ITSN1: variants seen among roughly 807,000 people sequenced by gnomAD.
ITSN1 encodes intersectin 1, also known as intersectin-1.
A neutral mutation model predicts 239.8 loss-of-function variants in ITSN1; 58 were observed. That is an observed-to-expected ratio of 0.24 (90% CI 0.20 to 0.30). The LOEUF is 0.30. ITSN1 is among the 10% of genes least tolerant of loss of function. The probability of loss-of-function intolerance (pLI) is 1.00; values close to 1 mark genes in which losing one functional copy is unlikely to be tolerated. For synonymous variants in ITSN1, 780 were observed against 770.8 expected (o/e 1.01, Z -0.20); for missense variants, 1,558 against 2,103.3 (o/e 0.74, Z 5.07).
At chr21:33,705,015 G>A (rs537947905) in intron 1 of ITSN1, among the ~76,000 whole-genome samples, 2 of 151,020 alleles carry the variant, frequency 1.3e-5, no homozygotes, top group Non-Finnish European at 2.9e-5. Flanking sequence ...GGAGGCTGAG[G>A]CCGGAGAATG....
chr21:33,852,448 A>G (rs1048627768), intron 29 of ITSN1, among the ~76,000 whole-genome samples: 12 of 152,194 alleles, frequency 7.9e-5, no homozygotes, highest in Non-Finnish European at 1.5e-4. Flanking sequence ...TTTATGTATT[A>G]CTTTTGTAAT....
intron 29 of ITSN1, chr21:33,836,868 T>C (rs2074631091): frequency 3.6e-6 from 3 of 835,986 alleles, no homozygotes; most frequent in Non-Finnish European, 5.8e-6. Context: ...CCCTCCTTTT[T>C]CCTTTTTTTT....
intron 11 of ITSN1, 132 bp from the exon 12 acceptor site, chr21:33,771,929 A>G: frequency 1.1e-6 from 1 of 950,642 alleles, no homozygotes; most frequent in Non-Finnish European, 1.6e-6. Context: ...CTCATTAACA[A>G]GGACACAGAA....
Position 33,886,480 on chromosome 21 carries a change from G to A in ITSN1, c.5017+20G>A, listed in dbSNP as rs200577300. 2.6e-6 allele frequency: 4 copies of A among 1,523,060 alleles called. No individual in the cohort carries two copies. The East Asian group carries it at 7.2e-5, about 27-fold the overall frequency. 94.3% of individuals were successfully genotyped at this position (1,523,060 alleles called of 1,614,324 possible). ...CAGATGGTGAGTGGAACGCGGCCCT[G>A]TGGTTATTCCTCCTTCCCTGGCACT... On this transcript the variant is annotated intron_variant, in intron 39 of 39. Coordinates refer to ENST00000381318, the MANE Select transcript of ITSN1 (RefSeq NM_003024.3).
At position 33,890,966 on chromosome 21, in the gene ITSN1, T is replaced by C. The variant is rs1986323712; in HGVS notation, c.*2666T>C. On this transcript the variant is annotated 3_prime_UTR_variant, in exon 40 of 40. Transcript: ENST00000381318. ...AGGGGCTGTGCTGGTCATAGGGTTA[T>C]GCTGTAACCCTCAGTCTTCCCTGAG... The C allele has an allele frequency of 6.6e-6, 1 of 152,446 alleles. No individual in the cohort carries two copies. Among genetic ancestry groups the C allele is most frequent in the Non-Finnish European group, 1.5e-5 (1 of 68,162 alleles). 9.4% of individuals were successfully genotyped at this position (152,446 alleles called of 1,614,324 possible). A position where few individuals can be genotyped will look rare whatever the true frequency, so the allele number is the denominator to read the frequency against.
chr21:33,750,258 T>A lies in ITSN1; in HGVS notation c.462T>A (p.Ala154=). The change falls in exon 6 of 40, where the codon GCT becomes GCA. Residue 154 remains alanine, a synonymous_variant. Coordinates refer to ENST00000381318, the MANE Select transcript of ITSN1 (RefSeq NM_003024.3). The part of the protein sequence containing the change: ...PTLVSSVPTA[A]VPPLANGAPP... Reference sequence around the variant, plus strand: ...TAGTATCTTCTGTTCCCACAGCAGCTGTGCCCCCCCTGGCTAACGGGGCTC... The same window carrying A: ...TAGTATCTTCTGTTCCCACAGCAGCAGTGCCCCCCCTGGCTAACGGGGCTC... 2 of 1,614,178 alleles carry A rather than the reference T, an allele frequency of 1.2e-6. No individual in the cohort carries two copies. Among genetic ancestry groups the A allele is most frequent in the Non-Finnish European group, 1.7e-6 (2 of 1,180,026 alleles).
At chr21:33,746,158 A>G (rs1408834933) in intron 5 of ITSN1, among the ~76,000 whole-genome samples, 1 of 152,252 alleles carries the variant, frequency 6.6e-6, no homozygotes, top group African/African-American at 2.4e-5. Flanking sequence ...GGGCTGCACA[A>G]CAAGGGAAGA....
intron 1 of ITSN1, among the ~76,000 whole-genome samples, chr21:33,692,681 A>G (rs1203936791): frequency 6.6e-6 from 1 of 152,230 alleles, no homozygotes; most frequent in Non-Finnish European, 1.5e-5. Context: ...AATCTCATCC[A>G]TTAAATATAG....
intron 23 of ITSN1, among the ~76,000 whole-genome samples, 166 bp downstream of exon 23, chr21:33,818,638 A>G (rs2073446759): frequency 6.6e-6 from 1 of 152,236 alleles, no homozygotes; most frequent in African/African-American, 2.4e-5. Context: ...GGAGCCTCTT[A>G]TAGATAAGTG....
chr21:33,673,135 C>T (rs1467240972), intron 1 of ITSN1, among the ~76,000 whole-genome samples: 2 of 152,136 alleles, frequency 1.3e-5, no homozygotes, highest in Non-Finnish European at 2.9e-5. Context: ...GGAGAGCATG[C>T]TGCTAAGTGA....
intron 1 of ITSN1, among the ~76,000 whole-genome samples, chr21:33,688,593 C>G (rs2091360215): frequency 6.6e-6 from 1 of 152,108 alleles, no homozygotes; most frequent in South Asian, 2.1e-4. Context: ...GTCTGAGAAA[C>G]AGACAATGAA....
At chr21:33,737,185 A>G (rs933030829) in intron 5 of ITSN1, among the ~76,000 whole-genome samples, 1 of 152,102 alleles carries the variant, frequency 6.6e-6, no homozygotes, top group African/African-American at 2.4e-5. Context: ...TCAGAATTTC[A>G]GTTGTGGAGC....
intron 29 of ITSN1, among the ~76,000 whole-genome samples, chr21:33,846,740 A>G (rs1367544688): frequency 6.6e-6 from 1 of 152,194 alleles, no homozygotes; most frequent in Non-Finnish European, 1.5e-5. Context: ...GACACGTCAC[A>G]GTGTTCATTC....
At chr21:33,740,367 G>T (rs1305642087) in intron 5 of ITSN1, among the ~76,000 whole-genome samples, 1 of 152,144 alleles carries the variant, frequency 6.6e-6, no homozygotes, top group Non-Finnish European at 1.5e-5. Context: ...GACATTTAAA[G>T]GTCAGGCAAA....
chr21:33,876,143 TTCTTTCTTTC>T (rs1353391009), intron 34 of ITSN1, among the ~76,000 whole-genome samples: 1 of 16,312 alleles, frequency 6.1e-5, no homozygotes, highest in Non-Finnish European at 9.5e-5. Flanking sequence ...CTTTCTTTCT[TTCTTTCTTTC>T]TCTCTCTCCC....
At chr21:33,699,135 A>T (rs1473082716) in intron 1 of ITSN1, among the ~76,000 whole-genome samples, 1 of 152,068 alleles carries the variant, frequency 6.6e-6, no homozygotes, top group Non-Finnish European at 1.5e-5. Context: ...CCTTTGAGAT[A>T]TTTAAAATAT....
Position 33,642,570 on chromosome 21 carries a change from G to A in ITSN1, c.-176G>A, listed in dbSNP as rs534849106. 1.3e-5 allele frequency: 2 copies of A among 153,032 alleles called. No homozygotes were observed. The highest frequency in any genetic ancestry group is 2.1e-4 in the South Asian group (1 of 4,848). The allele number at this position is 153,032 out of a possible 1,614,324, so 9.5% of individuals were successfully genotyped here. ...GCTCCGTAGTACGGCGGCTCGCGAG[G>A]AAGAATCCCGAGCGGGCTCCGGGAC... On this transcript the variant is annotated 5_prime_UTR_variant, in exon 1 of 40. Transcript: ENST00000381318.
At chr21:33,839,219 CAG>C (rs1425655956) in intron 29 of ITSN1, among the ~76,000 whole-genome samples, 3 of 152,184 alleles carry the variant, frequency 2.0e-5, no homozygotes, top group Non-Finnish European at 4.4e-5. Context: ...AAGGAACAAA[CAG>C]AAAACCAAAC....
In ITSN1 at chr21:33,858,617, G is replaced by C. The variant is rs2073366; in HGVS notation, c.3784-69G>C. The C allele has an allele frequency of 0.27, 261,987 of 957,652 alleles. 38,811 individuals are homozygous for C. Among genetic ancestry groups the C allele is most frequent in the East Asian group, 0.46 (18,784 of 41,234 alleles). The allele number at this position is 957,652 out of a possible 1,614,324, so 59.3% of individuals were successfully genotyped here. ...CTGAGCCCTTTCCCTGCTCTCAGCG[G>C]ATCGGCGTGTGAGTGTGTGAGTTTT... On this transcript the variant is annotated intron_variant, in intron 30 of 39. Transcript: ENST00000381318.
Sources: allele counts gnomAD v4.1 joint callset (sites outside exome capture counted in the v4.1 genomes callset), GRCh38; gene constraint gnomAD v4.1.1; transcripts MANE v1.5; gene names NCBI Gene and HGNC (gene_info 2026-07-23, HGNC 2026-07-21).